Variants in NUP98 observed in about 807,000 individuals in gnomAD.
NUP98 encodes nuclear pore complex protein Nup98-Nup96.
In NUP98, 26 loss-of-function variants were observed where a neutral mutation model predicts 191.9. The observed-to-expected ratio is 0.14, with a 90% CI of 0.10 to 0.19. The LOEUF is 0.19. Among genes scored for constraint, NUP98 ranks in the 10% least tolerant of loss-of-function variants. The pLI is 1.00. For missense variants in NUP98, 1,941 were observed against 2,178.8 expected, an observed-to-expected ratio of 0.89 and a Z score of 2.17; for synonymous variants, 808 against 778.4, an observed-to-expected ratio of 1.04 and a Z score of -0.63.
At chr11:3,754,510 TTACAAAAC>T (rs1390221416) in intron 10 of NUP98, among the ~76,000 whole-genome samples, 1 of 152,164 alleles carries the variant, frequency 6.6e-6, no homozygotes, top group African/African-American at 2.4e-5. Context: ...AAAAAATTAC[TTACAAAAC>T]TTTCCACAGT....
chr11:3,744,555 A>G lies in NUP98; in HGVS notation c.1362T>C (p.Asn454=), dbSNP rs761441442. ...CAAAGCCCAAAGTGGCTGTCGTAGT[A>G]TTAAATCCAGGGGCCCCAAAGGCTC... ...GTGAFGAPGF[N]TTTATLGFGA... The change falls in exon 12 of 33, where the codon AAT becomes AAC. Residue 454 remains asparagine (N), a synonymous_variant. Coordinates refer to ENST00000324932, the MANE Select transcript of NUP98 (RefSeq NM_016320.5). 50 of 1,613,910 alleles carry G rather than the reference A, an allele frequency of 3.1e-5. No homozygotes were observed. The highest frequency in any genetic ancestry group is 4.0e-5 in the Non-Finnish European group (47 of 1,179,892).
Position 3,676,564 on chromosome 11 carries a change from GCA to G in NUP98, c.5128_5129del (p.Cys1710GlnfsTer12). 1 of 1,614,192 alleles carries G rather than the reference GCA, an allele frequency of 6.2e-7. No homozygotes were observed. The highest frequency in any genetic ancestry group is 8.5e-7 in the Non-Finnish European group (1 of 1,180,018). ...AACACTGAATCTGCTCTATCCGACT[GCA>G]CAGTGAAGTCACTTTGATGTGTAAC... is the stretch of plus-strand genomic sequence containing the variant. Reference protein sequence around the residue: ...EQLHIKVTSLCSRIEQIQCYS... With the variant: ...EQLHIKVTSLXSRIEQIQCYS... On this transcript the variant is annotated frameshift_variant, in exon 32 of 33. Transcript: ENST00000324932. LOFTEE classifies it high-confidence loss of function.
chr11:3,792,422 T>A (rs1173811626), intron 1 of NUP98, among the ~76,000 whole-genome samples: 1 of 151,806 alleles, frequency 6.6e-6, no homozygotes, highest in Non-Finnish European at 1.5e-5. Flanking sequence ...CCAGCCATGG[T>A]CAACATGTTG....
chr11:3,790,197 G>T (rs1374554347), intron 1 of NUP98, among the ~76,000 whole-genome samples: 1 of 152,192 alleles, frequency 6.6e-6, no homozygotes, highest in African/African-American at 2.4e-5. Context: ...AGGATGAACT[G>T]TTCCCTTCAC....
intron 12 of NUP98, among the ~76,000 whole-genome samples, chr11:3,743,646 C>CA (rs34382341): frequency 0.034 from 1,660 of 49,104 alleles, 24 homozygotes; most frequent in African/African-American, 0.044. Context: ...AACTCCATCT[C>CA]AAAAAAAAAA....
chr11:3,705,173 T>A (rs372155368), intron 22 of NUP98, 27 bp downstream of exon 22: 9 of 1,611,446 alleles, frequency 5.6e-6, no homozygotes, highest in Non-Finnish European at 7.6e-6. Flanking sequence ...ACAGCTTTCT[T>A]GTAAAATAGC....
chr11:3,756,993 CAGT>C (rs987676277), intron 10 of NUP98, among the ~76,000 whole-genome samples: 2 of 151,236 alleles, frequency 1.3e-5, no homozygotes, highest in African/African-American at 4.9e-5. Context: ...GAGGCTGAGG[CAGT>C]AGAATGGTGT....
intron 26 of NUP98, among the ~76,000 whole-genome samples, chr11:3,694,245 C>A (rs1050997692): frequency 6.6e-6 from 1 of 152,042 alleles, no homozygotes; most frequent in Non-Finnish European, 1.5e-5. Context: ...GTGGCAGGCG[C>A]CTGTAATCCC....
chr11:3,712,502 T>C (rs764118663), intron 20 of NUP98, 62 bp downstream of exon 20: 3 of 1,602,832 alleles, frequency 1.9e-6, no homozygotes, highest in Non-Finnish European at 2.6e-6. Context: ...ATTAGCTGAA[T>C]GACTTGCTTT....
intron 1 of NUP98, among the ~76,000 whole-genome samples, chr11:3,794,854 T>C (rs1337776030): frequency 6.6e-6 from 1 of 152,184 alleles, no homozygotes; most frequent in Non-Finnish European, 1.5e-5. Flanking sequence ...GCTCAGGAAA[T>C]CCACCTGCCT....
chr11:3,686,272 T>C lies in NUP98; in HGVS notation c.4455-78A>G, dbSNP rs538317932. On this transcript the variant is annotated intron_variant, in intron 28 of 32. Coordinates refer to ENST00000324932, the MANE Select transcript of NUP98 (RefSeq NM_016320.5). ...TGATATGTCAACTGTTCTGCTTATG[T>C]CTAAGACAATAAAAGAACCTGAGAG... The C allele has an allele frequency of 6.4e-4, 826 of 1,281,712 alleles. 1 individual carries two copies. Among genetic ancestry groups the C allele is most frequent in the Non-Finnish European group, 7.7e-4 (691 of 892,512 alleles). 79.4% of individuals were successfully genotyped at this position (1,281,712 alleles called of 1,614,324 possible).
chr11:3,682,575 A>G (rs979180280), intron 30 of NUP98, among the ~76,000 whole-genome samples: 1 of 152,242 alleles, frequency 6.6e-6, no homozygotes, highest in African/African-American at 2.4e-5. Context: ...ATGCACATTT[A>G]TCAACTGACC....
chr11:3,717,243 C>T (rs951641460), intron 18 of NUP98, among the ~76,000 whole-genome samples: 1 of 152,106 alleles, frequency 6.6e-6, no homozygotes, highest in Non-Finnish European at 1.5e-5. Context: ...AGTGATCTGC[C>T]CGCCTAGGCC....
intron 6 of NUP98, among the ~76,000 whole-genome samples, chr11:3,772,651 C>T (rs1358806657): frequency 6.6e-6 from 1 of 151,998 alleles, no homozygotes; most frequent in Non-Finnish European, 1.5e-5. Flanking sequence ...CCCATCTCTA[C>T]TAAAAATACA....
rs147960501 is a variant in NUP98, at chr11:3,746,798, G to T, written c.1268-2149C>A. 5.0e-3 allele frequency among the ~76,000 whole-genome samples: 759 copies of T among 151,648 alleles called. 23 individuals are homozygous for T. Among genetic ancestry groups the T allele is most frequent in the African/African-American group, 0.017 (702 of 41,088 alleles). On this transcript the variant is annotated intron_variant, in intron 11 of 32. Transcript: ENST00000324932. Reference sequence around the variant, plus strand: ...GTGGTGGCACATGCCTGTAATCCCAGCTACTCGGGAAGGCTGAAGCAGGAG... The same window carrying T: ...GTGGTGGCACATGCCTGTAATCCCATCTACTCGGGAAGGCTGAAGCAGGAG...
intron 28 of NUP98, among the ~76,000 whole-genome samples, chr11:3,687,542 T>C (rs2078167234): frequency 6.6e-6 from 1 of 152,196 alleles, no homozygotes; most frequent in South Asian, 2.1e-4. Context: ...TTGTAATCCA[T>C]TATGAGCTGG....
At position 3,679,570 on chromosome 11, in the gene NUP98, A is replaced by G; in HGVS notation, c.5057T>C (p.Leu1686Pro). 6.2e-7 allele frequency: 1 copy of G among 1,614,172 alleles called. No individual in the cohort carries two copies. The highest frequency in any genetic ancestry group is 1.3e-5 in the African/African-American group (1 of 75,054). Residue 1686 changes from leucine to proline, a missense_variant, in exon 31 of 33, where the codon CTC becomes CCC. By Grantham distance (98) the Leu-to-Pro change is moderately conservative. Around this residue, in one of 6 missense-constraint regions of NUP98, gnomAD observed 1,030 missense variants for 1,115.8 expected, o/e 0.92. Transcript: ENST00000324932. Reference protein sequence around the residue: ...YLDYIRVIEMLRHIQQVDCSG... With the variant: ...YLDYIRVIEMPRHIQQVDCSG... ...CTCAGGTACCTGCTGTATATGGCGGAGCATTTCAATGACTCTAATATAGTC... is the reference window on the plus strand; with the variant it reads ...CTCAGGTACCTGCTGTATATGGCGGGGCATTTCAATGACTCTAATATAGTC...
rs201584660 is a variant in NUP98, at chr11:3,719,395, T to G, written c.2399+17A>C. The G allele has an allele frequency of 3.8e-6, 6 of 1,564,554 alleles. No individual in the cohort carries two copies. Among genetic ancestry groups the G allele is most frequent in the Admixed American group, 2.2e-5 (1 of 44,620 alleles). On this transcript the variant is annotated intron_variant, in intron 18 of 32. Coordinates refer to ENST00000324932, the MANE Select transcript of NUP98 (RefSeq NM_016320.5). The stretch of plus-strand genomic sequence containing the variant: ...GTGATTTAGCTGATAATTTTCTGTA[T>G]GTACATAAACTCTTACCTATTTAGC...
At position 3,676,018 on chromosome 11, in the gene NUP98, G is replaced by A. The variant is rs1261085862; in HGVS notation, c.*141C>T. The A allele has an allele frequency of 4.2e-6, 3 of 718,852 alleles. No homozygotes were observed. In the Admixed American group the frequency reaches 7.4e-5, roughly 18 times the overall value. 44.5% of individuals were successfully genotyped at this position (718,852 alleles called of 1,614,324 possible). A position where few individuals can be genotyped will look rare whatever the true frequency, so the allele number is the denominator to read the frequency against. On this transcript the variant is annotated 3_prime_UTR_variant, in exon 33 of 33. Transcript: ENST00000324932. ...TTAAGAAAAGCCCTGAACAAGTGGA[G>A]GATGCTGCTTCTGGCAGCAGGGAGG...
Sources: allele counts gnomAD v4.1 joint callset (sites outside exome capture counted in the v4.1 genomes callset), GRCh38; gene constraint gnomAD v4.1.1; regional missense constraint gnomAD v4.1.1; transcripts MANE v1.5; gene names NCBI Gene and HGNC (gene_info 2026-07-23, HGNC 2026-07-21).